NPAS3: variants seen among roughly 807,000 people sequenced by gnomAD.
NPAS3 encodes the protein neuronal PAS domain protein 3, also known as neuronal PAS domain-containing protein 3.
In NPAS3, 14 loss-of-function variants were observed where a neutral mutation model predicts 73.1. That is an observed-to-expected ratio of 0.19 (90% CI 0.13 to 0.30). The LOEUF (loss-of-function observed/expected upper bound fraction) is 0.30. NPAS3 is among the 10% of genes least tolerant of loss of function. NPAS3 has a pLI of 1.00. For synonymous variants in NPAS3, 620 were observed against 541.5 expected, an observed-to-expected ratio of 1.14 and a Z score of -2.01; for missense variants, 1,096 against 1,250.0, an observed-to-expected ratio of 0.88 and a Z score of 1.86.
chr14:33,106,668 C>G (rs1417785456), intron 2 of NPAS3, among the ~76,000 whole-genome samples: 1 of 152,072 alleles, frequency 6.6e-6, no homozygotes, highest in African/African-American at 2.4e-5. Flanking sequence ...AAACAATAAT[C>G]TATAATTTTA....
chr14:33,206,369 C>G (rs1222936339), intron 2 of NPAS3, among the ~76,000 whole-genome samples: 1 of 152,058 alleles, frequency 6.6e-6, no homozygotes. Flanking sequence ...CCTGGTTTGC[C>G]CAGGAATGTC....
intron 2 of NPAS3, among the ~76,000 whole-genome samples, chr14:33,148,378 T>G (rs1378882657): frequency 6.6e-6 from 1 of 152,160 alleles, no homozygotes; most frequent in African/African-American, 2.4e-5. Context: ...ACAAACTGTT[T>G]TGTTGTATCA....
At chr14:33,538,255 G>T (rs1478440631) in intron 4 of NPAS3, among the ~76,000 whole-genome samples, 1 of 152,136 alleles carries the variant, frequency 6.6e-6, no homozygotes, top group Admixed American at 6.5e-5. Context: ...AGGACCCAAT[G>T]GTTACTGGCC....
chr14:32,956,821 A>C (rs956573229), intron 1 of NPAS3, among the ~76,000 whole-genome samples: 1 of 152,230 alleles, frequency 6.6e-6, no homozygotes, highest in Non-Finnish European at 1.5e-5. Context: ...TATATACCTA[A>C]GTATGTCTGA....
intron 5 of NPAS3, among the ~76,000 whole-genome samples, chr14:33,646,283 C>T (rs1174030481): frequency 2.0e-5 from 3 of 152,144 alleles, no homozygotes; most frequent in African/African-American, 7.2e-5. Context: ...ATCATATGTA[C>T]AAAGGAGTAG....
At chr14:33,694,925 T>C (rs916366602) in intron 6 of NPAS3, among the ~76,000 whole-genome samples, 2 of 152,166 alleles carry the variant, frequency 1.3e-5, no homozygotes, top group Non-Finnish European at 2.9e-5. Flanking sequence ...TTCATGTACA[T>C]CTCCTACCAT....
At chr14:33,314,713 C>G (rs2043139486) in intron 3 of NPAS3, among the ~76,000 whole-genome samples, 2 of 152,002 alleles carry the variant, frequency 1.3e-5, no homozygotes, top group African/African-American at 4.8e-5. Context: ...CCTCCAGTTT[C>G]ACGACAATTT....
At chr14:33,471,726 G>GT (rs1221200722) in intron 4 of NPAS3, among the ~76,000 whole-genome samples, 1 of 152,222 alleles carries the variant, frequency 6.6e-6, no homozygotes, top group Non-Finnish European at 1.5e-5. Flanking sequence ...GAAATTACCA[G>GT]TAGAAAGTTT....
At chr14:33,280,046 G>A (rs1338948604) in intron 3 of NPAS3, among the ~76,000 whole-genome samples, 1 of 152,182 alleles carries the variant, frequency 6.6e-6, no homozygotes, top group Non-Finnish European at 1.5e-5. Context: ...AGGCAAGCGT[G>A]TATGCTGAAT....
chr14:33,336,038 T>A (rs1390617304), intron 3 of NPAS3, among the ~76,000 whole-genome samples: 1 of 152,228 alleles, frequency 6.6e-6, no homozygotes, highest in Non-Finnish European at 1.5e-5. Flanking sequence ...AGTCATCAGA[T>A]CAGACCATTT....
intron 4 of NPAS3, among the ~76,000 whole-genome samples, chr14:33,379,781 G>C (rs905812038): frequency 6.6e-5 from 10 of 152,160 alleles, no homozygotes; most frequent in African/African-American, 2.4e-4. Context: ...ACTAGTAGTA[G>C]TCTGTGGAAC....
intron 3 of NPAS3, among the ~76,000 whole-genome samples, chr14:33,327,005 G>C (rs1054281252): frequency 2.0e-5 from 3 of 152,200 alleles, no homozygotes; most frequent in African/African-American, 7.2e-5. Context: ...TTGTAAATAT[G>C]TGTTGTAATT....
chr14:33,243,760 C>G (rs2048286752), intron 3 of NPAS3, among the ~76,000 whole-genome samples: 2 of 150,982 alleles, frequency 1.3e-5, no homozygotes, highest in Middle Eastern at 6.8e-3. Flanking sequence ...TAAGCCAGCT[C>G]TACCAATTAA....
At chr14:33,350,818 T>C (rs963187871) in intron 3 of NPAS3, among the ~76,000 whole-genome samples, 1 of 152,238 alleles carries the variant, frequency 6.6e-6, no homozygotes, top group South Asian at 2.1e-4. Context: ...TACATACTCA[T>C]TAGAGACAGG....
At chr14:33,702,248 G>T (rs2060542859) in intron 6 of NPAS3, among the ~76,000 whole-genome samples, 1 of 152,216 alleles carries the variant, frequency 6.6e-6, no homozygotes, top group Non-Finnish European at 1.5e-5. Context: ...CCCTTGGACA[G>T]AATTATCTTG....
intron 7 of NPAS3, among the ~76,000 whole-genome samples, chr14:33,758,842 T>C (rs1471347971): frequency 2.0e-5 from 3 of 152,240 alleles, no homozygotes; most frequent in Non-Finnish European, 4.4e-5. Context: ...TGTTGATTAA[T>C]TTGAAGGTAA....
downstream of NPAS3, chr14:33,801,306 A>G (rs1239581391): frequency 1.7e-6 from 2 of 1,170,086 alleles, no homozygotes; most frequent in East Asian, 2.6e-5. Flanking sequence ...TTTTGCCTTC[A>G]GAGGGTCAGA....
At chr14:33,718,180 C>T (rs1196491043) in intron 6 of NPAS3, among the ~76,000 whole-genome samples, 2 of 151,978 alleles carry the variant, frequency 1.3e-5, no homozygotes, top group African/African-American at 4.8e-5. Flanking sequence ...CTTCTTCTTC[C>T]CCTTATTTCC....
At chr14:33,170,289 G>C (rs2045341253) in intron 2 of NPAS3, among the ~76,000 whole-genome samples, 1 of 152,116 alleles carries the variant, frequency 6.6e-6, no homozygotes, top group East Asian at 1.9e-4. Context: ...CTATAAAAAA[G>C]CGTATGTCTT....
Sources: gnomAD v4.1 joint callset for allele counts (sites outside exome capture counted in the v4.1 genomes callset) on GRCh38, gnomAD v4.1.1 for gene constraint, MANE v1.5 for transcripts, NCBI Gene and HGNC (gene_info 2026-07-23, HGNC 2026-07-21) for gene names.